XIRP2: variants seen among roughly 807,000 people sequenced by gnomAD.
The protein encoded by XIRP2 is xin actin-binding repeat-containing protein 2.
XIRP2 carries 236 observed loss-of-function variants against 277.0 expected under a neutral mutation model. The ratio of observed to expected loss-of-function variants is 0.85; its 90% CI spans 0.77 to 0.95. XIRP2 has a LOEUF of 0.95. Ranked by LOEUF, XIRP2 falls within the 40% of genes least tolerant of loss-of-function variation. XIRP2 has a pLI of 0.00. For missense variants in XIRP2, 4,640 were observed against 4,157.5 expected (o/e 1.12, Z -3.19); for synonymous variants, 1,490 against 1,416.5 (o/e 1.05, Z -1.17).
At chr2:167,019,449 T>C (rs534748521) in intron 2 of XIRP2, among the ~76,000 whole-genome samples, 1 of 152,126 alleles carries the variant, frequency 6.6e-6, no homozygotes, top group South Asian at 2.1e-4. Flanking sequence ...GAAATATGAA[T>C]ATAGAAGGGC....
At chr2:167,043,976 A>G (rs1688728847) in intron 2 of XIRP2, among the ~76,000 whole-genome samples, 1 of 152,114 alleles carries the variant, frequency 6.6e-6, no homozygotes, top group South Asian at 2.1e-4. Context: ...AAGAAAAAAT[A>G]GAAAATGTCA....
chr2:167,082,395 G>T (rs1037066267), intron 2 of XIRP2, among the ~76,000 whole-genome samples: 4 of 151,820 alleles, frequency 2.6e-5, no homozygotes, highest in African/African-American at 9.7e-5. Flanking sequence ...GAATAATGCC[G>T]CAATAAACAT....
At chr2:167,177,432 T>C (rs73025717) in intron 3 of XIRP2, among the ~76,000 whole-genome samples, 15,047 of 152,266 alleles carry the variant, frequency 0.099, 799 homozygotes, top group South Asian at 0.16. Flanking sequence ...TGAAGTTGCA[T>C]TGACATCTAA....
At chr2:166,925,573 ATG>A (rs975720428) in intron 2 of XIRP2, among the ~76,000 whole-genome samples, 16 of 134,834 alleles carry the variant, frequency 1.2e-4, no homozygotes, top group South Asian at 2.4e-4. Flanking sequence ...GTGTGTATGT[ATG>A]TGTGTGTGTA....
intron 2 of XIRP2, among the ~76,000 whole-genome samples, chr2:166,908,729 T>C (rs182756876): frequency 6.6e-6 from 1 of 152,348 alleles, no homozygotes; most frequent in East Asian, 1.9e-4. Flanking sequence ...GGTTTTCTTC[T>C]AGGGTTTTTA....
At chr2:167,108,675 T>A (rs1184800338) in intron 2 of XIRP2, among the ~76,000 whole-genome samples, 2 of 152,096 alleles carry the variant, frequency 1.3e-5, no homozygotes, top group African/African-American at 2.4e-5. Flanking sequence ...AACTTAAGAA[T>A]AGATGTTCTG....
At chr2:167,143,559 T>C (rs536495546) in intron 3 of XIRP2, among the ~76,000 whole-genome samples, 80 of 152,288 alleles carry the variant, frequency 5.3e-4, no homozygotes, top group African/African-American at 1.7e-3. Context: ...TTTCAATTAA[T>C]GTCTTTATAG....
At chr2:167,096,285 A>G (rs1403599868) in intron 2 of XIRP2, among the ~76,000 whole-genome samples, 1 of 151,730 alleles carries the variant, frequency 6.6e-6, no homozygotes, top group Non-Finnish European at 1.5e-5. Flanking sequence ...GGGAAGGTGT[A>G]TGTGTCGAGG....
At chr2:167,079,030 C>A (rs1024908171) in intron 2 of XIRP2, among the ~76,000 whole-genome samples, 1 of 152,016 alleles carries the variant, frequency 6.6e-6, no homozygotes, top group Non-Finnish European at 1.5e-5. Context: ...TGAGGTATTT[C>A]TTTTCAATGC....
At chr2:167,082,266 G>A (rs1422750540) in intron 2 of XIRP2, among the ~76,000 whole-genome samples, 1 of 152,154 alleles carries the variant, frequency 6.6e-6, no homozygotes, top group Non-Finnish European at 1.5e-5. Context: ...CCCTACAAAG[G>A]ACATGAACTC....
intron 3 of XIRP2, among the ~76,000 whole-genome samples, chr2:167,190,394 C>G (rs2105365715): frequency 6.6e-6 from 1 of 152,276 alleles, no homozygotes; most frequent in Non-Finnish European, 1.5e-5. Flanking sequence ...CCCCCCACTC[C>G]TGACTGCCAA....
At chr2:167,184,985 C>G (rs563387770) in intron 3 of XIRP2, among the ~76,000 whole-genome samples, 3 of 152,058 alleles carry the variant, frequency 2.0e-5, no homozygotes, top group Non-Finnish European at 4.4e-5. Flanking sequence ...TATCATGCAT[C>G]CATCCATCTA....
At position 167,243,015 on chromosome 2, in the gene XIRP2, A is replaced by G; in HGVS notation, c.1623A>G (p.Gln541=). The stretch of plus-strand genomic sequence containing the variant: ...GTTCAGTCTCAGCAGATGTGCAACA[A>G]GCCCGGTATGTTTTTGAAAACACAA... ...SGSSVSADVQ[Q]ARYVFENTND... The change falls in exon 9 of 11, where the codon CAA becomes CAG. Residue 541 remains glutamine (Q), a synonymous_variant. Transcript: ENST00000409195. The G allele has an allele frequency of 6.2e-7, 1 of 1,614,076 alleles. No individual in the cohort carries two copies. Among genetic ancestry groups the G allele is most frequent in the Non-Finnish European group, 8.5e-7 (1 of 1,179,974 alleles).
At chr2:166,965,510 A>T (rs191798527) in intron 2 of XIRP2, among the ~76,000 whole-genome samples, 33 of 151,948 alleles carry the variant, frequency 2.2e-4, no homozygotes, top group East Asian at 2.0e-3. Flanking sequence ...CTTTTTAGAG[A>T]CTTAATAACA....
chr2:166,897,876 A>G (rs1053570867), intron 1 of XIRP2, among the ~76,000 whole-genome samples: 1 of 152,078 alleles, frequency 6.6e-6, no homozygotes, highest in Non-Finnish European at 1.5e-5. Flanking sequence ...TTCAAAGCAC[A>G]TGGGCTATGC....
intron 2 of XIRP2, among the ~76,000 whole-genome samples, chr2:166,921,780 G>A (rs531266782): frequency 4.6e-5 from 7 of 152,046 alleles, no homozygotes; most frequent in Admixed American, 4.6e-4. Flanking sequence ...TGGGCTTCAA[G>A]GTCACCTAAT....
In XIRP2 at chr2:167,244,400, CA is replaced by C; in HGVS notation, c.3009del (p.Val1004SerfsTer7). On this transcript the variant is annotated frameshift_variant, in exon 9 of 11. Transcript: ENST00000409195. LOFTEE classifies it high-confidence loss of function. ...DPLGKYHQVK[T>X]VQQEEIVRGD... ...CTTGGAAAATATCATCAAGTAAAGA[CA>C]GTCCAGCAAGAAGAAATCGTAAGAG... 6.2e-7 allele frequency: 1 copy of C among 1,613,626 alleles called. No individual in the cohort carries two copies. The highest frequency in any genetic ancestry group is 8.5e-7 in the Non-Finnish European group (1 of 1,179,776).
chr2:166,978,880 T>TA (rs773183493), intron 2 of XIRP2, among the ~76,000 whole-genome samples: 9 of 152,106 alleles, frequency 5.9e-5, no homozygotes, highest in Non-Finnish European at 1.2e-4. Context: ...CTCAGGTGGC[T>TA]AAAGTAGGCA....
At chr2:167,254,495 C>T (rs1272999710) in intron 10 of XIRP2, among the ~76,000 whole-genome samples, 1 of 151,918 alleles carries the variant, frequency 6.6e-6, no homozygotes, top group Non-Finnish European at 1.5e-5. Context: ...AGGTAGCACA[C>T]ATTTTCTGTT....
Sources: gnomAD v4.1 joint callset for allele counts (sites outside exome capture counted in the v4.1 genomes callset) on GRCh38, gnomAD v4.1.1 for gene constraint, MANE v1.5 for transcripts, NCBI Gene and HGNC (gene_info 2026-07-23, HGNC 2026-07-21) for gene names.